Variants in ADGRV1 observed in about 807,000 individuals in gnomAD.
ADGRV1 encodes the protein G-protein coupled receptor 98.
In ADGRV1, 359 loss-of-function variants were observed where a neutral mutation model predicts 596.2. The observed-to-expected ratio is 0.60, with a 90% CI of 0.55 to 0.66. The LOEUF (loss-of-function observed/expected upper bound fraction) is 0.66, where lower values mean the gene tolerates loss of function less well. Among genes scored for constraint, ADGRV1 ranks in the 30% least tolerant of loss-of-function variants. The pLI, the probability that ADGRV1 is intolerant of heterozygous loss-of-function variation, is 0.00. For missense variants in ADGRV1, 7,274 were observed against 7,575.6 expected, an observed-to-expected ratio of 0.96 and a Z score of 1.48; for synonymous variants, 2,681 against 2,679.2, an observed-to-expected ratio of 1.00 and a Z score of -0.02.
intron 1 of ADGRV1, among the ~76,000 whole-genome samples, chr5:90,577,941 G>A (rs1236793883): frequency 2.6e-5 from 4 of 152,138 alleles, no homozygotes; most frequent in South Asian, 2.1e-4. Flanking sequence ...TGGAATGCTT[G>A]TGATTTTTGC....
chr5:90,965,599 G>A (rs1053209383), intron 84 of ADGRV1, 68 bp downstream of exon 84: 15 of 821,396 alleles, frequency 1.8e-5, no homozygotes, highest in Non-Finnish European at 2.9e-5. Context: ...TGGTCTTAAT[G>A]TCTGATACTC....
At chr5:90,619,998 CATT>C (rs1463670307) in intron 4 of ADGRV1, among the ~76,000 whole-genome samples, 1 of 151,954 alleles carries the variant, frequency 6.6e-6, no homozygotes, top group African/African-American at 2.4e-5. Context: ...TCCAGTCTAT[CATT>C]GTTGGACATT....
chr5:90,958,728 T>A (rs1207897840), intron 83 of ADGRV1, among the ~76,000 whole-genome samples: 1 of 152,174 alleles, frequency 6.6e-6, no homozygotes, highest in Non-Finnish European at 1.5e-5. Context: ...AGGATACCAA[T>A]CATAATGGAT....
rs1439889499 is a variant in ADGRV1, at chr5:91,150,204, A to G, written c.18607A>G (p.Ile6203Val). 1 of 1,566,320 alleles carries G rather than the reference A, an allele frequency of 6.4e-7. No individual in the cohort carries two copies. Among genetic ancestry groups the G allele is most frequent in the Admixed American group, 1.8e-5 (1 of 54,896 alleles). ...AATCAGCAAGTCCACCCAGAATCTC[A>G]TCGGTGCTATGGAGGAGGTGTCTGC... ...GEISKSTQNL[I>V]GAMEEVPPDW... Residue 6203 changes from isoleucine to valine, a missense_variant, in exon 88 of 90, where the codon ATC becomes GTC. Physicochemically the swap from Ile to Val is conservative, Grantham distance 29. Coordinates refer to ENST00000405460, the MANE Select transcript of ADGRV1 (RefSeq NM_032119.4).
rs1383205608 is a variant in ADGRV1 at position 90,863,788 on chromosome 5, C to T, written c.17787C>T (p.Phe5929=). The T allele has an allele frequency of 6.2e-7, 1 of 1,613,528 alleles. No individual in the cohort carries two copies. The highest frequency in any genetic ancestry group is 1.3e-5 in the African/African-American group (1 of 75,032). The change falls in exon 83 of 90, where the codon TTC becomes TTT. Residue 5929 remains phenylalanine (F), a synonymous_variant. Coordinates refer to ENST00000405460, the MANE Select transcript of ADGRV1 (RefSeq NM_032119.4). The stretch of plus-strand genomic sequence containing the variant: ...GCTTGGCTGTTCTTTCCCATATCTT[C>T]TGTGCCAGGTACTCCATGTTTGCAG... ...GLCLAVLSHI[F]CARYSMFAAK... is the part of the protein sequence containing the mutation.
intron 1 of ADGRV1, among the ~76,000 whole-genome samples, chr5:90,583,672 C>T (rs1758368043): frequency 6.6e-6 from 1 of 152,132 alleles, no homozygotes; most frequent in Non-Finnish European, 1.5e-5. Flanking sequence ...AGGCCTACAA[C>T]TAATTACCTT....
At chr5:90,657,379 A>G (rs1769560207) in intron 20 of ADGRV1, among the ~76,000 whole-genome samples, 1 of 152,074 alleles carries the variant, frequency 6.6e-6, no homozygotes, top group Non-Finnish European at 1.5e-5. Flanking sequence ...GTTTGAGGTC[A>G]CAGTGAGCTA....
chr5:90,775,161 T>C (rs114576754), intron 60 of ADGRV1, among the ~76,000 whole-genome samples: 1,779 of 152,290 alleles, frequency 0.012, 36 homozygotes, highest in African/African-American at 0.041. Flanking sequence ...TGGTGATTAA[T>C]ACATTTCTTT....
intron 23 of ADGRV1, among the ~76,000 whole-genome samples, chr5:90,674,947 A>G (rs557537903): frequency 6.6e-6 from 1 of 152,298 alleles, no homozygotes; most frequent in African/African-American, 2.4e-5. Context: ...AAGTTAGAAA[A>G]TATGTATTTT....
chr5:91,002,595 A>AT (rs969630937), intron 85 of ADGRV1, among the ~76,000 whole-genome samples: 2 of 150,904 alleles, frequency 1.3e-5, no homozygotes, highest in Non-Finnish European at 3.0e-5. Flanking sequence ...CATTTTCTAA[A>AT]TTTTTTCTGG....
chr5:90,827,334 G>T (rs1764151714), intron 76 of ADGRV1, among the ~76,000 whole-genome samples: 1 of 152,062 alleles, frequency 6.6e-6, no homozygotes, highest in Admixed American at 6.5e-5. Flanking sequence ...CAGAAATATT[G>T]TTTCAATAGA....
chr5:91,118,743 G>T (rs903870877), intron 87 of ADGRV1, among the ~76,000 whole-genome samples: 3 of 151,982 alleles, frequency 2.0e-5, no homozygotes, highest in Admixed American at 6.6e-5. Context: ...TGAATTCCTC[G>T]AGCACTTTTT....
At position 90,839,582 on chromosome 5, in the gene ADGRV1, C is replaced by G. The variant is rs536842067; in HGVS notation, c.16612-996C>G. On this transcript the variant is annotated intron_variant, in intron 77 of 89. Coordinates refer to ENST00000405460, the MANE Select transcript of ADGRV1 (RefSeq NM_032119.4). ...CATTGGCCTTAGGTTCTTCCTTGAA[C>G]AGACTAAGATGGTTCCCATCTCCAG... Among the ~76,000 whole-genome samples the G allele has an allele frequency of 6.0e-4, 92 of 152,290 alleles. 1 individual carries two copies. The South Asian group carries it at 0.019, about 31-fold the overall frequency.
At chr5:90,635,065 T>A (rs1263630723) in intron 9 of ADGRV1, 49 bp from the exon 10 acceptor site, 5 of 1,288,540 alleles carry the variant, frequency 3.9e-6, no homozygotes, top group Middle Eastern at 2.2e-4. Context: ...TTTTAAAAAA[T>A]TTATATTCTA....
intron 83 of ADGRV1, among the ~76,000 whole-genome samples, chr5:90,951,290 T>G (rs1777043585): frequency 6.6e-6 from 1 of 152,214 alleles, no homozygotes; most frequent in Non-Finnish European, 1.5e-5. Context: ...GTCAGCATTC[T>G]GGATGATTTT....
intron 1 of ADGRV1, among the ~76,000 whole-genome samples, chr5:90,561,466 A>G (rs1392970845): frequency 6.6e-6 from 1 of 152,334 alleles, no homozygotes; most frequent in East Asian, 1.9e-4. Flanking sequence ...ATTTATTGTC[A>G]CGCAAACAAA....
At chr5:90,907,263 G>A (rs1051844028) in intron 83 of ADGRV1, among the ~76,000 whole-genome samples, 8 of 152,044 alleles carry the variant, frequency 5.3e-5, no homozygotes, top group Non-Finnish European at 8.8e-5. Flanking sequence ...AAAAGAATGA[G>A]CCCTAATGTT....
At chr5:90,749,071 C>T (rs1335153594) in intron 52 of ADGRV1, among the ~76,000 whole-genome samples, 2 of 152,160 alleles carry the variant, frequency 1.3e-5, no homozygotes, top group Admixed American at 6.5e-5. Context: ...CACCCTGCAG[C>T]CTTGCAGCAG....
intron 1 of ADGRV1, among the ~76,000 whole-genome samples, chr5:90,593,225 G>A (rs1458301208): frequency 6.6e-6 from 1 of 152,186 alleles, no homozygotes; most frequent in East Asian, 1.9e-4. Flanking sequence ...TGATAGACTG[G>A]ATTAAGAAAA....
Sources: allele counts gnomAD v4.1 joint callset (sites outside exome capture counted in the v4.1 genomes callset), GRCh38; gene constraint gnomAD v4.1.1; transcripts MANE v1.5; gene names NCBI Gene and HGNC (gene_info 2026-07-23, HGNC 2026-07-21).